SMAP1: variants seen among roughly 807,000 people sequenced by gnomAD.
The protein encoded by SMAP1 is small ArfGAP 1.
SMAP1 carries 24 observed loss-of-function variants against 58.5 expected under a neutral mutation model. That is an observed-to-expected ratio of 0.41 (90% CI 0.30 to 0.58). The LOEUF (loss-of-function observed/expected upper bound fraction) is 0.58. Among genes scored for constraint, SMAP1 ranks in the 20% least tolerant of loss-of-function variants. The probability of loss-of-function intolerance (pLI) is 0.29; values close to 1 mark genes in which losing one functional copy is unlikely to be tolerated. For missense variants in SMAP1, 563 were observed against 566.3 expected, an observed-to-expected ratio of 0.99 and a Z score of 0.06; for synonymous variants, 216 against 196.6, an observed-to-expected ratio of 1.10 and a Z score of -0.82.
chr6:70,701,800 A>C (rs1767641221), intron 1 of SMAP1, among the ~76,000 whole-genome samples: 1 of 152,098 alleles, frequency 6.6e-6, no homozygotes, highest in South Asian at 2.1e-4. Flanking sequence ...CCTTTTCTCA[A>C]TATGATATTA....
chr6:70,753,830 C>T (rs970603704), intron 2 of SMAP1, among the ~76,000 whole-genome samples: 7 of 151,772 alleles, frequency 4.6e-5, no homozygotes, highest in South Asian at 2.1e-4. Context: ...ACTTCACTTT[C>T]TCATTATCTC....
chr6:70,771,581 C>T (rs565760571), intron 3 of SMAP1, among the ~76,000 whole-genome samples: 6 of 152,292 alleles, frequency 3.9e-5, no homozygotes, highest in East Asian at 3.9e-4. Context: ...TCTCCTGGTG[C>T]ACCGTTTTTT....
At chr6:70,734,720 G>A (rs1307082283) in intron 2 of SMAP1, 3 of 152,510 alleles carry the variant, frequency 2.0e-5, no homozygotes, top group Non-Finnish European at 4.4e-5. Context: ...TTTGATGTTA[G>A]AGGGAATCGA....
At chr6:70,791,643 C>A in intron 4 of SMAP1, 46 bp from the exon 5 acceptor site, 1 of 1,509,338 alleles carries the variant, frequency 6.6e-7, no homozygotes, top group South Asian at 1.2e-5. Flanking sequence ...TTCTCATTAC[C>A]TTCTTTTTGT....
intron 6 of SMAP1, among the ~76,000 whole-genome samples, chr6:70,823,878 G>T (rs913028788): frequency 7.1e-6 from 1 of 140,806 alleles, no homozygotes; most frequent in African/African-American, 2.6e-5. Context: ...GAGCCCAAGG[G>T]TTTTTTTTTT....
intron 6 of SMAP1, among the ~76,000 whole-genome samples, chr6:70,836,575 T>G (rs960617195): frequency 3.9e-5 from 6 of 152,258 alleles, no homozygotes; most frequent in African/African-American, 1.4e-4. Flanking sequence ...AGATGAAATT[T>G]GAGTGGGGAC....
chr6:70,670,883 G>T (rs534966075), intron 1 of SMAP1, among the ~76,000 whole-genome samples: 13 of 152,334 alleles, frequency 8.5e-5, no homozygotes, highest in African/African-American at 3.1e-4. Flanking sequence ...GTGTTTCCTG[G>T]ATTGACAGTA....
chr6:70,717,432 A>G (rs1318054465), intron 1 of SMAP1, among the ~76,000 whole-genome samples: 1 of 152,080 alleles, frequency 6.6e-6, no homozygotes, highest in African/African-American at 2.4e-5. Flanking sequence ...GCACGGTCCA[A>G]CCCTTCACTC....
chr6:70,770,328 A>G (rs1030166242), intron 3 of SMAP1, among the ~76,000 whole-genome samples: 1 of 152,104 alleles, frequency 6.6e-6, no homozygotes, highest in Non-Finnish European at 1.5e-5. Flanking sequence ...CTCCTGGATA[A>G]TATCCTGCAG....
At chr6:70,685,127 CTTAG>C (rs1040119024) in intron 1 of SMAP1, among the ~76,000 whole-genome samples, 44 of 151,472 alleles carry the variant, frequency 2.9e-4, no homozygotes, top group African/African-American at 1.1e-3. Flanking sequence ...TATGCCAGGT[CTTAG>C]TTTTTTTTTT....
intron 10 of SMAP1, chr6:70,858,824 T>C (rs1307656684): frequency 6.5e-6 from 1 of 152,860 alleles, no homozygotes; most frequent in Non-Finnish European, 1.5e-5. Flanking sequence ...GACTTTTATG[T>C]TTAAAAAGAG....
intron 4 of SMAP1, among the ~76,000 whole-genome samples, chr6:70,779,267 G>A (rs925350030): frequency 1.3e-5 from 2 of 152,178 alleles, no homozygotes; most frequent in Admixed American, 6.5e-5. Flanking sequence ...GAGACCTTCC[G>A]GGAAGATGTC....
intron 1 of SMAP1, among the ~76,000 whole-genome samples, chr6:70,711,127 A>G (rs1413377536): frequency 6.6e-6 from 1 of 152,208 alleles, no homozygotes; most frequent in Non-Finnish European, 1.5e-5. Flanking sequence ...TTCTAAAATA[A>G]CAGTAAAAAG....
At chr6:70,803,592 GTCAAT>G (rs1191591516) in intron 6 of SMAP1, among the ~76,000 whole-genome samples, 2 of 152,150 alleles carry the variant, frequency 1.3e-5, no homozygotes, top group Non-Finnish European at 2.9e-5. Context: ...ATGTTAGGGT[GTCAAT>G]TTTAGACCTT....
chr6:70,778,107 A>G (rs190418851), intron 4 of SMAP1, among the ~76,000 whole-genome samples: 12 of 152,266 alleles, frequency 7.9e-5, no homozygotes, highest in Non-Finnish European at 1.6e-4. Flanking sequence ...TAGTAGGTGT[A>G]TATATTTATA....
chr6:70,680,259 C>G (rs184071311), intron 1 of SMAP1, among the ~76,000 whole-genome samples: 20 of 152,262 alleles, frequency 1.3e-4, no homozygotes, highest in Admixed American at 9.8e-4. Flanking sequence ...GGGGGAAAAT[C>G]TCTGGGACCT....
At chr6:70,703,079 T>A (rs1437163359) in intron 1 of SMAP1, among the ~76,000 whole-genome samples, 2 of 151,974 alleles carry the variant, frequency 1.3e-5, no homozygotes, top group African/African-American at 4.8e-5. Context: ...TTTCCTTTTT[T>A]CACGACTTTT....
chr6:70,748,991 T>C (rs952105818), intron 2 of SMAP1, among the ~76,000 whole-genome samples: 3 of 151,990 alleles, frequency 2.0e-5, no homozygotes, highest in African/African-American at 7.3e-5. Flanking sequence ...CCTCAGAAAA[T>C]GGAGTAGAAG....
Position 70,730,104 on chromosome 6 carries a change from C to T in SMAP1, c.119-2274C>T, listed in dbSNP as rs1435038376. Among the ~76,000 whole-genome samples, 4 of 152,180 alleles carry T rather than the reference C, an allele frequency of 2.6e-5. No individual in the cohort carries two copies. The East Asian group carries it at 7.7e-4, about 29-fold the overall frequency. On this transcript the variant is annotated intron_variant, in intron 1 of 10. Transcript: ENST00000370455. Reference sequence around the variant, plus strand: ...CCTCCTTTTTTTTCTGACTAGAGTGCGGTGGTACCACCATAGCTCAAAGGA... The same window carrying T: ...CCTCCTTTTTTTTCTGACTAGAGTGTGGTGGTACCACCATAGCTCAAAGGA...
Sources: gnomAD v4.1 joint callset for allele counts (sites outside exome capture counted in the v4.1 genomes callset) on GRCh38, gnomAD v4.1.1 for gene constraint, MANE v1.5 for transcripts, NCBI Gene and HGNC (gene_info 2026-07-23, HGNC 2026-07-21) for gene names.